The following NELL1 variants were observed in gnomAD, a reference collection of about 807,000 sequenced individuals.
The protein encoded by NELL1 is protein kinase C-binding protein NELL1.
Under a neutral mutation model 107.4 loss-of-function variants are expected in NELL1, and 76 were observed. That is an observed-to-expected ratio of 0.71 (90% CI 0.59 to 0.86). NELL1 has a LOEUF of 0.86. NELL1 is among the 40% of genes least tolerant of loss of function. The pLI is 0.00. For missense variants in NELL1, 1,024 were observed against 1,005.5 expected (o/e 1.02, Z -0.25); for synonymous variants, 353 against 341.2 (o/e 1.03, Z -0.38).
At chr11:21,033,524 A>T (rs1853013086) in intron 12 of NELL1, among the ~76,000 whole-genome samples, 1 of 152,152 alleles carries the variant, frequency 6.6e-6, no homozygotes, top group Non-Finnish European at 1.5e-5. Context: ...TTCTAAGGAT[A>T]GTGGCCTCCA....
intron 15 of NELL1, among the ~76,000 whole-genome samples, chr11:21,477,194 T>C (rs920269758): frequency 9.2e-5 from 14 of 152,074 alleles, no homozygotes; most frequent in Non-Finnish European, 1.5e-5. Context: ...CAGGAGAGAC[T>C]CTTTGCCTTT....
chr11:21,257,624 T>G (rs539454646), intron 14 of NELL1, among the ~76,000 whole-genome samples: 1 of 151,988 alleles, frequency 6.6e-6, no homozygotes, highest in East Asian at 1.9e-4. Flanking sequence ...TCCAACAAAC[T>G]GTTAGAGGAG....
intron 15 of NELL1, among the ~76,000 whole-genome samples, chr11:21,424,354 C>G (rs1852767450): frequency 6.6e-6 from 1 of 152,118 alleles, no homozygotes; most frequent in African/African-American, 2.4e-5. Context: ...GGCACGGTGT[C>G]TCACGCTTGT....
intron 13 of NELL1, among the ~76,000 whole-genome samples, chr11:21,152,294 G>A (rs1400525328): frequency 3.3e-5 from 5 of 152,020 alleles, no homozygotes; most frequent in Admixed American, 6.6e-5. Context: ...TTCTCTCCTC[G>A]CCACCTTCAT....
At chr11:21,340,533 G>A (rs1160585645) in intron 14 of NELL1, among the ~76,000 whole-genome samples, 1 of 150,614 alleles carries the variant, frequency 6.6e-6, no homozygotes, top group African/African-American at 2.4e-5. Flanking sequence ...GACTTTACTT[G>A]GAAATAAGGT....
chr11:20,893,247 A>C (rs1008311480), intron 5 of NELL1, among the ~76,000 whole-genome samples: 2 of 151,856 alleles, frequency 1.3e-5, no homozygotes, highest in African/African-American at 4.8e-5. Flanking sequence ...AACATACCCC[A>C]GGGCCTGTTG....
chr11:20,971,047 G>A lies in NELL1; in HGVS notation c.1300+10487G>A, dbSNP rs572037125. Among the ~76,000 whole-genome samples, 68 of 152,180 alleles carry A rather than the reference G, an allele frequency of 4.5e-4. 1 individual carries two copies. Among genetic ancestry groups the A allele is most frequent in the Non-Finnish European group, 2.5e-4 (17 of 68,012 alleles). ...GCTTTGTGTCTGTCCCCAAACTCTCGCAGTCAGGCTGCATCTGATTCTTGA... is the reference window on the plus strand; with the variant it reads ...GCTTTGTGTCTGTCCCCAAACTCTCACAGTCAGGCTGCATCTGATTCTTGA... On this transcript the variant is annotated intron_variant, in intron 12 of 19. Transcript: ENST00000357134.
chr11:20,695,806 A>G (rs1341084107), intron 2 of NELL1, among the ~76,000 whole-genome samples: 1 of 152,060 alleles, frequency 6.6e-6, no homozygotes, highest in Non-Finnish European at 1.5e-5. Flanking sequence ...GTTAGGAAGG[A>G]GTCCTCCCTC....
intron 14 of NELL1, among the ~76,000 whole-genome samples, chr11:21,305,890 A>G (rs1849594696): frequency 1.3e-5 from 2 of 151,984 alleles, no homozygotes; most frequent in South Asian, 4.1e-4. Context: ...ACTACAATCA[A>G]TATCTTTCTG....
At chr11:20,968,376 GAAGA>G (rs1439472410) in intron 12 of NELL1, among the ~76,000 whole-genome samples, 1 of 151,538 alleles carries the variant, frequency 6.6e-6, no homozygotes, top group Non-Finnish European at 1.5e-5. Flanking sequence ...AGGAAGGAAG[GAAGA>G]CAGTGCTTTT....
At chr11:20,810,061 T>C (rs1446259791) in intron 3 of NELL1, among the ~76,000 whole-genome samples, 2 of 152,142 alleles carry the variant, frequency 1.3e-5, no homozygotes, top group Non-Finnish European at 2.9e-5. Context: ...CCATTGTATC[T>C]CATTGTAGTT....
chr11:21,319,356 A>T (rs1437474453), intron 14 of NELL1, among the ~76,000 whole-genome samples: 1 of 150,768 alleles, frequency 6.6e-6, no homozygotes, highest in Non-Finnish European at 1.5e-5. Context: ...TTATTTTATT[A>T]TTTTTTATTT....
At chr11:21,160,827 C>T (rs1856348240) in intron 13 of NELL1, among the ~76,000 whole-genome samples, 1 of 152,126 alleles carries the variant, frequency 6.6e-6, no homozygotes, top group Admixed American at 6.5e-5. Context: ...AGCTCAGCTA[C>T]AAATGGTAAG....
intron 13 of NELL1, among the ~76,000 whole-genome samples, chr11:21,215,948 T>C (rs1248114820): frequency 6.6e-6 from 1 of 152,090 alleles, no homozygotes; most frequent in East Asian, 1.9e-4. Context: ...GGGAAAAATG[T>C]CTCCAGGGCA....
At chr11:21,107,194 T>G (rs1476543113) in intron 12 of NELL1, among the ~76,000 whole-genome samples, 2 of 152,136 alleles carry the variant, frequency 1.3e-5, no homozygotes, top group Admixed American at 6.5e-5. Context: ...ACTCGTGGTG[T>G]TGTATATTTT....
intron 5 of NELL1, among the ~76,000 whole-genome samples, chr11:20,913,862 G>T: frequency 7.0e-6 from 1 of 143,578 alleles, no homozygotes; most frequent in South Asian, 2.4e-4. Context: ...GGGGATGGGG[G>T]GAAGAATATT....
chr11:21,405,376 T>G (rs1590906074), intron 15 of NELL1, among the ~76,000 whole-genome samples: 1 of 124,852 alleles, frequency 8.0e-6, no homozygotes, highest in East Asian at 2.1e-4. Flanking sequence ...TTACCTGTTG[T>G]AAAAAGAAAC....
At chr11:21,428,915 C>T (rs527641854) in intron 15 of NELL1, among the ~76,000 whole-genome samples, 18 of 152,148 alleles carry the variant, frequency 1.2e-4, no homozygotes, top group African/African-American at 4.1e-4. Context: ...ATTATCACAT[C>T]GAGGTGTGCA....
intron 15 of NELL1, among the ~76,000 whole-genome samples, chr11:21,456,493 A>G (rs1234862528): frequency 2.0e-5 from 3 of 151,996 alleles, no homozygotes; most frequent in Non-Finnish European, 4.4e-5. Flanking sequence ...CAGTTATTTT[A>G]TAAATTGTTG....
Sources: allele counts gnomAD v4.1 joint callset (sites outside exome capture counted in the v4.1 genomes callset), GRCh38; gene constraint gnomAD v4.1.1; transcripts MANE v1.5; gene names NCBI Gene and HGNC (gene_info 2026-07-23, HGNC 2026-07-21).